Variants in MAP2 observed in about 807,000 individuals in gnomAD.
MAP2 encodes the protein microtubule-associated protein 2.
In MAP2, 14 loss-of-function variants were observed where a neutral mutation model predicts 137.6. That is an observed-to-expected ratio of 0.10 (90% CI 0.07 to 0.16). MAP2 has a LOEUF of 0.16. MAP2 is among the 10% of genes least tolerant of loss of function. MAP2 has a pLI of 1.00. For missense variants in MAP2, 2,088 were observed against 2,191.5 expected, an observed-to-expected ratio of 0.95 and a Z score of 0.94; for synonymous variants, 786 against 782.3, an observed-to-expected ratio of 1.00 and a Z score of -0.08.
intron 1 of MAP2, among the ~76,000 whole-genome samples, chr2:209,470,108 A>G (rs1389687139): frequency 6.6e-6 from 1 of 152,190 alleles, no homozygotes; most frequent in African/African-American, 2.4e-5. Context: ...TTAGTCATCC[A>G]TATTTTTTTA....
intron 2 of MAP2, among the ~76,000 whole-genome samples, chr2:209,576,857 T>C (rs1029957779): frequency 5.3e-5 from 8 of 152,260 alleles, no homozygotes; most frequent in African/African-American, 1.4e-4. Flanking sequence ...GTTTCACATA[T>C]GGTACTTACT....
intron 4 of MAP2, among the ~76,000 whole-genome samples, chr2:209,650,490 A>G (rs1340794015): frequency 6.6e-6 from 1 of 152,158 alleles, no homozygotes; most frequent in East Asian, 1.9e-4. Context: ...ACAGATCTCA[A>G]TAGAGGGGTA....
intron 2 of MAP2, among the ~76,000 whole-genome samples, chr2:209,537,316 G>T (rs1041715654): frequency 1.5e-4 from 23 of 152,122 alleles, no homozygotes. Flanking sequence ...ATCACTGAAA[G>T]AAACACACAA....
At chr2:209,482,660 T>C (rs2057876169) in intron 1 of MAP2, among the ~76,000 whole-genome samples, 1 of 152,192 alleles carries the variant, frequency 6.6e-6, no homozygotes, top group Non-Finnish European at 1.5e-5. Context: ...CTCTGGGAAA[T>C]TATTACCCCC....
chr2:209,492,422 AT>A (rs1177273424), intron 1 of MAP2, among the ~76,000 whole-genome samples: 39 of 152,156 alleles, frequency 2.6e-4, no homozygotes, highest in Non-Finnish European at 1.5e-5. Context: ...TTAACATAGT[AT>A]TAGAAGTTCT....
intron 1 of MAP2, among the ~76,000 whole-genome samples, chr2:209,461,439 T>A (rs1228029303): frequency 6.6e-6 from 1 of 152,184 alleles, no homozygotes; most frequent in Non-Finnish European, 1.5e-5. Context: ...TTCCCCTGTT[T>A]AAAATTCGTA....
At chr2:209,677,375 T>C (rs933058859) in intron 5 of MAP2, among the ~76,000 whole-genome samples, 1 of 151,276 alleles carries the variant, frequency 6.6e-6, no homozygotes, top group African/African-American at 2.4e-5. Flanking sequence ...GGTAGGTAGA[T>C]AGATGATAGA....
intron 1 of MAP2, among the ~76,000 whole-genome samples, chr2:209,451,126 G>C (rs1468390911): frequency 6.6e-6 from 1 of 152,084 alleles, no homozygotes; most frequent in Non-Finnish European, 1.5e-5. Context: ...TTTATCCTCT[G>C]ATACTGATAT....
chr2:209,638,705 C>T (rs749682034), intron 4 of MAP2, among the ~76,000 whole-genome samples: 1 of 152,062 alleles, frequency 6.6e-6, no homozygotes, highest in Non-Finnish European at 1.5e-5. Flanking sequence ...AAGGTTTTTA[C>T]TCATGTAGTA....
At chr2:209,469,935 C>T (rs1446640676) in intron 1 of MAP2, among the ~76,000 whole-genome samples, 1 of 152,152 alleles carries the variant, frequency 6.6e-6, no homozygotes, top group Non-Finnish European at 1.5e-5. Context: ...GTCTCACTGG[C>T]CAGTATTGAC....
chr2:209,638,962 G>A (rs1446181060), intron 4 of MAP2, among the ~76,000 whole-genome samples: 2 of 151,892 alleles, frequency 1.3e-5, no homozygotes, highest in African/African-American at 4.8e-5. Context: ...TTAAATGAAG[G>A]CCTGATACAT....
At chr2:209,583,769 A>AT (rs3036666) in intron 3 of MAP2, among the ~76,000 whole-genome samples, 11,338 of 148,052 alleles carry the variant, frequency 0.077, 642 homozygotes, top group South Asian at 0.19. Context: ...GACATAAATG[A>AT]TTTTTTTTTT....
chr2:209,620,365 G>T (rs1398009638), intron 3 of MAP2, among the ~76,000 whole-genome samples: 1 of 152,178 alleles, frequency 6.6e-6, no homozygotes, highest in African/African-American at 2.4e-5. Flanking sequence ...CAAGTTCTCT[G>T]CTCCACTGAA....
chr2:209,691,148 C>G (rs868124293), intron 7 of MAP2, among the ~76,000 whole-genome samples: 4 of 151,866 alleles, frequency 2.6e-5, no homozygotes, highest in Non-Finnish European at 2.9e-5. Context: ...CCCGCCCCCC[C>G]TCATCTCAAA....
chr2:209,557,350 T>C lies in MAP2; in HGVS notation c.-171-22686T>C, dbSNP rs140501589. Among the ~76,000 whole-genome samples, 830 of 152,286 alleles carry C rather than the reference T, an allele frequency of 5.5e-3. 5 individuals are homozygous for C. Among genetic ancestry groups the C allele is most frequent in the Non-Finnish European group, 6.8e-3 (465 of 68,016 alleles). ...ATTGTTGTTTCCGTTACCTGTCTGGTAAGAAGAGAAGACTCCTGTCCAATT... is the reference window on the plus strand; with the variant it reads ...ATTGTTGTTTCCGTTACCTGTCTGGCAAGAAGAGAAGACTCCTGTCCAATT... On this transcript the variant is annotated intron_variant, in intron 2 of 15. Coordinates refer to ENST00000682079, the MANE Select transcript of MAP2 (RefSeq NM_001375505.1).
At chr2:209,465,196 A>T (rs1703818579) in intron 1 of MAP2, among the ~76,000 whole-genome samples, 1 of 152,148 alleles carries the variant, frequency 6.6e-6, no homozygotes, top group South Asian at 2.1e-4. Flanking sequence ...GGTCTAAAAA[A>T]GTTAATTGAC....
rs151145644 is a variant in MAP2, at chr2:209,632,236, T to C, written c.-30+7107T>C. 1.2e-3 allele frequency among the ~76,000 whole-genome samples: 188 copies of C among 152,264 alleles called. 1 individual carries two copies. In the Middle Eastern group the frequency reaches 0.02, roughly 17 times the overall value. On this transcript the variant is annotated intron_variant, in intron 4 of 15. Transcript: ENST00000682079. The stretch of plus-strand genomic sequence containing the variant: ...AGGATAACAGTCAGGACTGGAATTA[T>C]GGACTAGGTACTCATCTACATATCC...
At chr2:209,580,669 T>A (rs955512198) in intron 3 of MAP2, among the ~76,000 whole-genome samples, 1 of 152,194 alleles carries the variant, frequency 6.6e-6, no homozygotes, top group African/African-American at 2.4e-5. Context: ...AGAAGTTATT[T>A]TACATTTGCT....
chr2:209,686,129 T>C (rs1260811261), intron 7 of MAP2, among the ~76,000 whole-genome samples: 1 of 152,202 alleles, frequency 6.6e-6, no homozygotes, highest in African/African-American at 2.4e-5. Context: ...GTCAGTGTTG[T>C]AGGCCAGATC....
Sources: allele counts gnomAD v4.1 joint callset (sites outside exome capture counted in the v4.1 genomes callset), GRCh38; gene constraint gnomAD v4.1.1; transcripts MANE v1.5; gene names NCBI Gene and HGNC (gene_info 2026-07-23, HGNC 2026-07-21).